Variants in PRPF3 observed in about 807,000 individuals in gnomAD.
PRPF3 encodes the protein pre-mRNA processing factor 3.
PRPF3 carries 3 observed loss-of-function variants against 89.2 expected under a neutral mutation model. That is an observed-to-expected ratio of 0.03 (90% confidence interval 0.02 to 0.09). The LOEUF (loss-of-function observed/expected upper bound fraction) is 0.09, where lower values mean the gene tolerates loss of function less well. Ranked by LOEUF, PRPF3 falls within the 10% of genes least tolerant of loss-of-function variation. The pLI, the probability that PRPF3 is intolerant of heterozygous loss-of-function variation, is 1.00. For synonymous variants in PRPF3, 270 were observed against 289.1 expected (o/e 0.93, Z 0.67); for missense variants, 463 against 828.8 (o/e 0.56, Z 5.42).
rs1306564094 is a variant in PRPF3, at chr1:150,349,142, A to C, written c.1844-15A>C. The stretch of plus-strand genomic sequence containing the variant: ...GAATCTCAAGTCTAAGTCTGTAACA[A>C]GATTTCTCTTCCAGATGATGAGGAG... On this transcript the variant is annotated splice_polypyrimidine_tract_variant and intron_variant, in intron 14 of 15. Coordinates refer to ENST00000324862, the MANE Select transcript of PRPF3 (RefSeq NM_004698.4). 2.5e-6 allele frequency: 4 copies of C among 1,609,766 alleles called. No homozygotes were observed. Among genetic ancestry groups the C allele is most frequent in the South Asian group, 1.1e-5 (1 of 90,996 alleles).
At chr1:150,325,610 G>C in intron 2 of PRPF3, 141 bp from the exon 3 acceptor site, 1 of 1,103,846 alleles carries the variant, frequency 9.1e-7, no homozygotes. Flanking sequence ...TTTAGTGTAA[G>C]AGAGATGGGA....
intron 1 of PRPF3, among the ~76,000 whole-genome samples, chr1:150,322,548 C>T (rs1438549799): frequency 1.3e-5 from 2 of 152,178 alleles, no homozygotes; most frequent in African/African-American, 2.4e-5. Flanking sequence ...TATGTCTACT[C>T]ATTGTGGGGT....
At position 150,328,365 on chromosome 1, in the gene PRPF3, G is replaced by A. The variant is rs1655944880; in HGVS notation, c.322G>A (p.Val108Ile). ...TGAGATCTCTAAAGAATCATCAGGA[G>A]TAAAGAAGCGACGAATACCCCGTTT... is the stretch of plus-strand genomic sequence containing the variant. ...DSEISKESSG[V>I]KKRRIPRFEE... is the part of the protein sequence containing the mutation. Residue 108 changes from valine (V) to isoleucine (I), a missense_variant, in exon 4 of 16, where the codon GTA (valine) becomes ATA (isoleucine). By Grantham distance (29) the Val-to-Ile change is conservative. Transcript: ENST00000324862. 6.2e-7 allele frequency: 1 copy of A among 1,613,952 alleles called. No individual in the cohort carries two copies. The highest frequency in any genetic ancestry group is 2.2e-5 in the East Asian group (1 of 44,874).
chr1:150,330,257 C>T (rs201956660), intron 4 of PRPF3: 2 of 152,160 alleles, frequency 1.3e-5, no homozygotes, highest in East Asian at 3.9e-4. Flanking sequence ...CCATGTTGCC[C>T]AGGCTGGTCT....
At chr1:150,345,174 TATTAAGATTTAAAAAATTG>T (rs1425975775) in intron 12 of PRPF3, among the ~76,000 whole-genome samples, 29 of 152,092 alleles carry the variant, frequency 1.9e-4, no homozygotes, top group African/African-American at 6.0e-4. Context: ...AGTGAATGCT[TATTAAGATTTAAAAAATTG>T]TCTGACAACA....
intron 7 of PRPF3, among the ~76,000 whole-genome samples, chr1:150,336,897 T>C (rs73015078): frequency 0.047 from 7,190 of 151,958 alleles, 435 homozygotes; most frequent in African/African-American, 0.13. Flanking sequence ...AGGGAAACAA[T>C]TTGAAACATT....
chr1:150,333,016 C>G lies in PRPF3; in HGVS notation c.545C>G (p.Pro182Arg). The part of the protein sequence containing the change: ...TPSSSQPERL[P>R]IGNTIQPSQA... Reference sequence around the variant, plus strand: ...TCTTCCTCCCAACCAGAACGACTTCCTATTGGCAACACTATTCAGCCCTCC... The same window carrying G: ...TCTTCCTCCCAACCAGAACGACTTCGTATTGGCAACACTATTCAGCCCTCC... The change falls in exon 6 of 16, where the codon CCT becomes CGT. Residue 182 changes from proline to arginine, a missense_variant. This residue lies in a region of PRPF3 where 38 missense variants were observed against 48.3 expected (regional missense o/e 0.79). Transcript: ENST00000324862. 1 of 1,613,982 alleles carries G rather than the reference C, an allele frequency of 6.2e-7. No individual in the cohort carries two copies.
intron 9 of PRPF3, among the ~76,000 whole-genome samples, chr1:150,342,221 A>G (rs1657822938): frequency 6.6e-6 from 1 of 151,582 alleles, no homozygotes; most frequent in African/African-American, 2.4e-5. Context: ...CTCTACTAAA[A>G]ATACAAAAAT....
At chr1:150,349,677 C>G (rs1345835603) in intron 15 of PRPF3, among the ~76,000 whole-genome samples, 3 of 152,032 alleles carry the variant, frequency 2.0e-5, no homozygotes, top group African/African-American at 7.2e-5. Flanking sequence ...AGCTATTGTT[C>G]TCTATATTGT....
intron 7 of PRPF3, among the ~76,000 whole-genome samples, chr1:150,337,238 A>G (rs1553868164): frequency 6.6e-6 from 1 of 151,036 alleles, no homozygotes; most frequent in Non-Finnish European, 1.5e-5. Flanking sequence ...ACGGGGTTTC[A>G]CCGTGTTAGC....
intron 14 of PRPF3, among the ~76,000 whole-genome samples, chr1:150,347,315 TACAC>T (rs1367365178): frequency 6.6e-6 from 1 of 151,278 alleles, no homozygotes; most frequent in South Asian, 2.1e-4. Flanking sequence ...TACACACACA[TACAC>T]ATACACACAA....
Position 150,346,497 on chromosome 1 carries a change from T to G in PRPF3, c.1843+6T>G. 1.2e-6 allele frequency: 2 copies of G among 1,608,456 alleles called. No homozygotes were observed. Among genetic ancestry groups the G allele is most frequent in the Non-Finnish European group, 8.5e-7 (1 of 1,175,126 alleles). On this transcript the variant is annotated splice_donor_region_variant and intron_variant, in intron 14 of 15. Transcript: ENST00000324862. ...ATCTAACACAAAGGGAGATGGTGAA[T>G]GGGGGTTAGAGGGGATTAAGGGGGA...
intron 3 of PRPF3, chr1:150,327,535 A>G: frequency 4.1e-6 from 4 of 979,956 alleles, no homozygotes; most frequent in Non-Finnish European, 4.8e-6. Context: ...ATTATGGGAG[A>G]GTCCTTTTTC....
intron 9 of PRPF3, 63 bp from the exon 10 acceptor site, chr1:150,343,246 A>AT (rs1377872241): frequency 1.6e-3 from 625 of 399,582 alleles, no homozygotes; most frequent in African/African-American, 3.8e-3. Flanking sequence ...AGAAAAAAAA[A>AT]AAATATATAT....
intron 7 of PRPF3, 38 bp downstream of exon 7, chr1:150,335,279 G>A (rs2101979177): frequency 6.3e-7 from 1 of 1,579,934 alleles, no homozygotes; most frequent in East Asian, 2.2e-5. Context: ...TTTGGAAAAA[G>A]TTAAGAAGCT....
intron 7 of PRPF3, among the ~76,000 whole-genome samples, chr1:150,337,894 G>A (rs1657226746): frequency 6.6e-6 from 1 of 152,076 alleles, no homozygotes; most frequent in African/African-American, 2.4e-5. Context: ...GAGCAACGTG[G>A]AGAAACCCCA....
intron 15 of PRPF3, 80 bp downstream of exon 15, chr1:150,349,298 G>A: frequency 9.7e-7 from 1 of 1,027,022 alleles, no homozygotes; most frequent in Non-Finnish European, 1.5e-6. Flanking sequence ...GCAATGGAAT[G>A]TAAGATGTAA....
intron 6 of PRPF3, among the ~76,000 whole-genome samples, chr1:150,334,728 C>G (rs587628513): frequency 3.3e-5 from 5 of 152,138 alleles, no homozygotes; most frequent in African/African-American, 1.2e-4. Context: ...TGCCACCGCA[C>G]CCAGCTAATT....
intron 2 of PRPF3, 109 bp downstream of exon 2, chr1:150,325,196 C>T: frequency 1.5e-6 from 2 of 1,338,134 alleles, no homozygotes; most frequent in Non-Finnish European, 1.0e-6. Flanking sequence ...AATGGCAGGC[C>T]ATATTTTATT....
Sources: allele counts gnomAD v4.1 joint callset (sites outside exome capture counted in the v4.1 genomes callset), GRCh38; gene constraint gnomAD v4.1.1; regional missense constraint gnomAD v4.1.1; transcripts MANE v1.5; gene names NCBI Gene and HGNC (gene_info 2026-07-23, HGNC 2026-07-21).